LCLAT1: variants seen among roughly 807,000 people sequenced by gnomAD.
LCLAT1 encodes the protein lysocardiolipin acyltransferase 1, also known as 1-AGP acyltransferase 8.
A neutral mutation model predicts 30.7 loss-of-function variants in LCLAT1; 11 were observed. The ratio of observed to expected loss-of-function variants is 0.36; its 90% CI spans 0.23 to 0.59. The LOEUF (loss-of-function observed/expected upper bound fraction) is 0.59. Among genes scored for constraint, LCLAT1 ranks in the 20% least tolerant of loss-of-function variants. The pLI is 0.77. For synonymous variants in LCLAT1, 155 were observed against 151.3 expected (o/e 1.02, Z -0.18); for missense variants, 402 against 458.6 (o/e 0.88, Z 1.13).
chr2:30,599,427 G>A (rs1383819398), intron 5 of LCLAT1, among the ~76,000 whole-genome samples: 1 of 152,194 alleles, frequency 6.6e-6, no homozygotes, highest in Non-Finnish European at 1.5e-5. Flanking sequence ...ATGTGGCGCT[G>A]AGAAGAATGT....
At chr2:30,629,240 T>G (rs1448826968) in intron 5 of LCLAT1, among the ~76,000 whole-genome samples, 1 of 152,180 alleles carries the variant, frequency 6.6e-6, no homozygotes, top group African/African-American at 2.4e-5. Context: ...TCCAATAAAC[T>G]TATTTTTTCT....
rs186602181 is a variant in LCLAT1, at chr2:30,595,123, T to C, written c.628+26947T>C. Among the ~76,000 whole-genome samples, 4 of 152,246 alleles carry C rather than the reference T, an allele frequency of 2.6e-5. No individual in the cohort carries two copies. The East Asian group carries it at 7.7e-4, about 29-fold the overall frequency. On this transcript the variant is annotated intron_variant, in intron 5 of 5. Coordinates refer to ENST00000379509, the MANE Select transcript of LCLAT1 (RefSeq NM_001002257.3). ...TATTCGTTGAAACTTGAATCAGTTT[T>C]CCCTGTGTTGTCTGGTTCATACCCA...
chr2:30,623,028 T>G (rs529793419), intron 5 of LCLAT1, among the ~76,000 whole-genome samples: 2 of 149,828 alleles, frequency 1.3e-5, no homozygotes, highest in African/African-American at 4.9e-5. Flanking sequence ...CAGAGAAAGG[T>G]GAATACCAAT....
chr2:30,498,339 A>G (rs545730247), intron 1 of LCLAT1, among the ~76,000 whole-genome samples: 7 of 152,326 alleles, frequency 4.6e-5, no homozygotes, highest in Admixed American at 1.3e-4. Flanking sequence ...CCTGGGACCA[A>G]TCAGGGGCTG....
chr2:30,576,001 T>C (rs1343802098), intron 5 of LCLAT1, among the ~76,000 whole-genome samples: 1 of 152,098 alleles, frequency 6.6e-6, no homozygotes, highest in Non-Finnish European at 1.5e-5. Context: ...GCACCATTAA[T>C]AAAAAATTTT....
At chr2:30,499,158 A>T (rs1365835524) in intron 1 of LCLAT1, among the ~76,000 whole-genome samples, 1 of 152,062 alleles carries the variant, frequency 6.6e-6, no homozygotes, top group Non-Finnish European at 1.5e-5. Flanking sequence ...TTGGGCTCTG[A>T]AATAGAGCAG....
chr2:30,558,901 A>G (rs1665065158), intron 3 of LCLAT1, among the ~76,000 whole-genome samples: 1 of 152,192 alleles, frequency 6.6e-6, no homozygotes, highest in African/African-American at 2.4e-5. Flanking sequence ...AAAGACAGGT[A>G]CAAGATTATC....
chr2:30,577,670 T>G (rs912431501), intron 5 of LCLAT1, among the ~76,000 whole-genome samples: 1 of 152,186 alleles, frequency 6.6e-6, no homozygotes, highest in Non-Finnish European at 1.5e-5. Flanking sequence ...CTGATTTGAT[T>G]ATAATACACT....
chr2:30,632,832 A>G (rs1668833516), intron 5 of LCLAT1, among the ~76,000 whole-genome samples: 1 of 152,250 alleles, frequency 6.6e-6, no homozygotes, highest in South Asian at 2.1e-4. Flanking sequence ...GAGCTGCCTG[A>G]CTGCACCTTT....
intron 5 of LCLAT1, among the ~76,000 whole-genome samples, chr2:30,621,979 T>G (rs966877066): frequency 1.3e-5 from 2 of 152,148 alleles, no homozygotes; most frequent in Non-Finnish European, 2.9e-5. Context: ...GTACAAAACC[T>G]GAAAGCCCTG....
At position 30,590,843 on chromosome 2, in the gene LCLAT1, AT is replaced by A. The variant is rs779719781; in HGVS notation, c.628+22668del. Among the ~76,000 whole-genome samples, 5 of 152,262 alleles carry A rather than the reference AT, an allele frequency of 3.3e-5. No homozygotes were observed. The East Asian group carries it at 9.6e-4, about 29-fold the overall frequency. ...AAGGCGTTAAATATCATTAAAATAA[AT>A]ACTAAGTACTAATAACCAGCAAAGA... is the stretch of plus-strand genomic sequence containing the variant. On this transcript the variant is annotated intron_variant, in intron 5 of 5. Coordinates refer to ENST00000379509, the MANE Select transcript of LCLAT1 (RefSeq NM_001002257.3).
intron 1 of LCLAT1, among the ~76,000 whole-genome samples, chr2:30,523,270 T>C (rs1399995459): frequency 1.3e-5 from 2 of 150,166 alleles, no homozygotes; most frequent in South Asian, 4.2e-4. Context: ...TTCGTAGGTT[T>C]TTTTTTTTTT....
At chr2:30,458,818 C>T (rs115309306) in intron 1 of LCLAT1, among the ~76,000 whole-genome samples, 62 of 152,274 alleles carry the variant, frequency 4.1e-4, no homozygotes, top group African/African-American at 1.4e-3. Flanking sequence ...GGGGCATTCC[C>T]AGCTACTATG....
At chr2:30,524,713 T>C (rs771796402) in intron 1 of LCLAT1, among the ~76,000 whole-genome samples, 1 of 151,944 alleles carries the variant, frequency 6.6e-6, no homozygotes, top group Non-Finnish European at 1.5e-5. Context: ...ACTGTCGAGG[T>C]ATAGCAGTGC....
chr2:30,506,812 A>G (rs1366747950), intron 1 of LCLAT1, among the ~76,000 whole-genome samples: 1 of 152,178 alleles, frequency 6.6e-6, no homozygotes, highest in Non-Finnish European at 1.5e-5. Context: ...GTTCATCAGA[A>G]TGAGGCTGTG....
chr2:30,478,741 A>G (rs1683172137), intron 1 of LCLAT1, among the ~76,000 whole-genome samples: 5 of 152,210 alleles, frequency 3.3e-5, no homozygotes, highest in Admixed American at 3.3e-4. Context: ...AACCAAACAT[A>G]GACACACATA....
At chr2:30,630,188 C>T (rs183875189) in intron 5 of LCLAT1, among the ~76,000 whole-genome samples, 7 of 152,282 alleles carry the variant, frequency 4.6e-5, no homozygotes, top group African/African-American at 1.7e-4. Flanking sequence ...TTCCTGGTGT[C>T]CCCTCCTCTT....
At chr2:30,586,519 C>CA (rs1331844812) in intron 5 of LCLAT1, among the ~76,000 whole-genome samples, 3 of 152,198 alleles carry the variant, frequency 2.0e-5, no homozygotes, top group Non-Finnish European at 4.4e-5. Context: ...CCATAATCCA[C>CA]TATAACATCA....
intron 3 of LCLAT1, among the ~76,000 whole-genome samples, chr2:30,552,965 G>A (rs942574088): frequency 6.6e-6 from 1 of 152,148 alleles, no homozygotes; most frequent in Admixed American, 6.5e-5. Context: ...AGGAGCAGTT[G>A]TCTGTCTTTC....
Sources: gnomAD v4.1 joint callset for allele counts (sites outside exome capture counted in the v4.1 genomes callset) on GRCh38, gnomAD v4.1.1 for gene constraint, MANE v1.5 for transcripts, NCBI Gene and HGNC (gene_info 2026-07-23, HGNC 2026-07-21) for gene names.